CLSTN2: variants seen among roughly 807,000 people sequenced by gnomAD.
The protein encoded by CLSTN2 is calsyntenin-2.
Under a neutral mutation model 101.2 loss-of-function variants are expected in CLSTN2, and 48 were observed. That is an observed-to-expected ratio of 0.47 (90% CI 0.38 to 0.60). CLSTN2 has a LOEUF of 0.60. CLSTN2 is among the 20% of genes least tolerant of loss of function. The probability of loss-of-function intolerance (pLI) is 0.00; values close to 1 mark genes in which losing one functional copy is unlikely to be tolerated. For synonymous variants in CLSTN2, 481 were observed against 463.6 expected (o/e 1.04, Z -0.48); for missense variants, 1,160 against 1,238.2 (o/e 0.94, Z 0.95).
chr3:140,355,159 A>G (rs2087655731), intron 2 of CLSTN2, among the ~76,000 whole-genome samples: 1 of 152,186 alleles, frequency 6.6e-6, no homozygotes, highest in South Asian at 2.1e-4. Context: ...TTGGTTTTAA[A>G]TTGTGCATGG....
intron 2 of CLSTN2, among the ~76,000 whole-genome samples, chr3:140,325,279 C>A (rs2087321188): frequency 6.6e-6 from 1 of 152,152 alleles, no homozygotes; most frequent in Admixed American, 6.5e-5. Context: ...CTTGAGCAGG[C>A]CTCCCCAGCA....
intron 8 of CLSTN2, among the ~76,000 whole-genome samples, chr3:140,523,444 G>A (rs1652370012): frequency 6.6e-6 from 1 of 152,118 alleles, no homozygotes; most frequent in Non-Finnish European, 1.5e-5. Context: ...GATTCCTGAA[G>A]AGTTCTCTTT....
At chr3:140,102,333 C>A (rs898874770) in intron 1 of CLSTN2, among the ~76,000 whole-genome samples, 3 of 152,142 alleles carry the variant, frequency 2.0e-5, no homozygotes, top group Non-Finnish European at 2.9e-5. Flanking sequence ...AATCTAGAAC[C>A]AACAGTCCAT....
At chr3:140,485,785 G>A (rs781387677) in intron 8 of CLSTN2, among the ~76,000 whole-genome samples, 18 of 152,104 alleles carry the variant, frequency 1.2e-4, no homozygotes, top group East Asian at 3.9e-4. Flanking sequence ...CTGGTGTGCC[G>A]TTTGCTAAGA....
intron 2 of CLSTN2, among the ~76,000 whole-genome samples, chr3:140,278,378 T>C (rs1212300013): frequency 6.6e-6 from 1 of 152,136 alleles, no homozygotes; most frequent in Non-Finnish European, 1.5e-5. Flanking sequence ...GGGTCCCCAC[T>C]ACTCTTTACA....
chr3:140,233,767 A>G (rs1463206140), intron 2 of CLSTN2, among the ~76,000 whole-genome samples: 1 of 152,120 alleles, frequency 6.6e-6, no homozygotes, highest in Non-Finnish European at 1.5e-5. Flanking sequence ...TTTTTAATAT[A>G]TCTGTTTAGC....
At chr3:139,987,193 TAGTA>T (rs1460850795) in intron 1 of CLSTN2, among the ~76,000 whole-genome samples, 1 of 152,204 alleles carries the variant, frequency 6.6e-6, no homozygotes, top group African/African-American at 2.4e-5. Flanking sequence ...CTTAAAAAGA[TAGTA>T]AGGAATGGCC....
intron 1 of CLSTN2, among the ~76,000 whole-genome samples, chr3:140,097,254 C>G (rs2008884488): frequency 6.6e-6 from 1 of 152,126 alleles, no homozygotes; most frequent in African/African-American, 2.4e-5. Context: ...TATGGAAGAT[C>G]ACAGAATGGA....
At chr3:140,281,220 C>T (rs2086843707) in intron 2 of CLSTN2, among the ~76,000 whole-genome samples, 1 of 152,098 alleles carries the variant, frequency 6.6e-6, no homozygotes, top group African/African-American at 2.4e-5. Flanking sequence ...TCAATCAGCC[C>T]TAGAATACAA....
chr3:139,938,332 T>C (rs944900085), intron 1 of CLSTN2, among the ~76,000 whole-genome samples: 1 of 152,192 alleles, frequency 6.6e-6, no homozygotes, highest in African/African-American at 2.4e-5. Flanking sequence ...TTGTGTAAGA[T>C]GTTGTGTCTG....
intron 8 of CLSTN2, 58 bp from the exon 9 acceptor site, chr3:140,532,266 T>C: frequency 7.0e-7 from 1 of 1,425,054 alleles, no homozygotes. Context: ...AGTAAAAGCC[T>C]GTTTGATGTT....
intron 2 of CLSTN2, among the ~76,000 whole-genome samples, chr3:140,354,137 G>A (rs1283831774): frequency 3.9e-5 from 6 of 152,182 alleles, no homozygotes; most frequent in Non-Finnish European, 8.8e-5. Context: ...GATGGAGGAT[G>A]TAAGGCCAGA....
intron 2 of CLSTN2, among the ~76,000 whole-genome samples, chr3:140,227,411 A>G (rs114205821): frequency 0.041 from 6,246 of 152,290 alleles, 393 homozygotes; most frequent in African/African-American, 0.14. Context: ...TATGGTCTTG[A>G]AAAGCTACAT....
intron 1 of CLSTN2, among the ~76,000 whole-genome samples, chr3:140,044,851 G>C (rs1398491807): frequency 6.6e-6 from 1 of 152,122 alleles, no homozygotes; most frequent in Non-Finnish European, 1.5e-5. Flanking sequence ...TGCATATGTT[G>C]AACCAGCCTT....
chr3:140,469,121 T>G (rs2108022772), intron 8 of CLSTN2, among the ~76,000 whole-genome samples: 1 of 152,320 alleles, frequency 6.6e-6, no homozygotes, highest in Admixed American at 6.5e-5. Context: ...ATCGAAATAG[T>G]GGTCCACCCT....
At chr3:140,160,622 A>ATT (rs60958109) in intron 1 of CLSTN2, among the ~76,000 whole-genome samples, 4 of 147,740 alleles carry the variant, frequency 2.7e-5, no homozygotes, top group African/African-American at 9.9e-5. Context: ...TATTCATCCT[A>ATT]TTTTTTTTTT....
At chr3:140,369,295 C>T (rs1034287755) in intron 2 of CLSTN2, among the ~76,000 whole-genome samples, 1 of 152,182 alleles carries the variant, frequency 6.6e-6, no homozygotes, top group Non-Finnish European at 1.5e-5. Context: ...TAAAATTCAT[C>T]AGCAGTCATT....
chr3:140,203,591 G>A (rs1325567666), intron 2 of CLSTN2, among the ~76,000 whole-genome samples: 3 of 149,398 alleles, frequency 2.0e-5, no homozygotes, highest in Admixed American at 6.8e-5. Flanking sequence ...CGCATGGCCC[G>A]TGCCTCTGCC....
At chr3:140,095,590 A>G (rs2008856371) in intron 1 of CLSTN2, among the ~76,000 whole-genome samples, 1 of 152,236 alleles carries the variant, frequency 6.6e-6, no homozygotes, top group South Asian at 2.1e-4. Flanking sequence ...AATTTGGATC[A>G]GGCTTTGGCA....
Sources: allele counts gnomAD v4.1 joint callset (sites outside exome capture counted in the v4.1 genomes callset), GRCh38; gene constraint gnomAD v4.1.1; transcripts MANE v1.5; gene names NCBI Gene and HGNC (gene_info 2026-07-23, HGNC 2026-07-21).